DEXI: variants seen among roughly 807,000 people sequenced by gnomAD.
DEXI encodes Dexi homolog.
A neutral mutation model predicts 2.5 loss-of-function variants in DEXI; 2 were observed. The observed-to-expected ratio is 0.81, with a 90% confidence interval of 0.33 to 2.55. The LOEUF (loss-of-function observed/expected upper bound fraction) is 2.55, where lower values mean the gene tolerates loss of function less well. Ranked by LOEUF, DEXI falls within the 30% of genes most tolerant of loss-of-function variation. The probability of loss-of-function intolerance (pLI) is 0.11; values close to 1 mark genes in which losing one functional copy is unlikely to be tolerated. For synonymous variants in DEXI, 71 were observed against 68.7 expected (o/e 1.03, Z -0.17); for missense variants, 108 against 130.3 (o/e 0.83, Z 0.83).
chr16:10,931,757 G>C (rs1316768186), intron 1 of DEXI: 1 of 152,222 alleles, frequency 6.6e-6, no homozygotes, highest in East Asian at 1.9e-4. Flanking sequence ...TGGGCATGGT[G>C]GCAGGTGCCT....
rs980126936 is a variant in DEXI, at chr16:10,937,151, A to C, written c.*149+4418T>G. 6 of 152,386 alleles carry C rather than the reference A, an allele frequency of 3.9e-5. No individual in the cohort carries two copies. The East Asian group carries it at 1.2e-3, about 29-fold the overall frequency. 9.4% of individuals were successfully genotyped at this position (152,386 alleles called of 1,614,324 possible). On this transcript the variant is annotated intron_variant, in intron 1 of 1. Coordinates refer to ENST00000331808, the MANE Select transcript of DEXI (RefSeq NM_014015.4). The surrounding 1 kb of genome is among the most constrained non-coding windows in gnomAD (Gnocchi z 4.2). Reference sequence around the variant, plus strand: ...GACGCAGCTGGCACCAATGTACCCTATGGCCAAGGACCTTCTGGGTGAGCC... The same window carrying C: ...GACGCAGCTGGCACCAATGTACCCTCTGGCCAAGGACCTTCTGGGTGAGCC...
Position 10,929,283 on chromosome 16 carries a change from G to C in DEXI, c.*426C>G. ...TTGAAGTGTCCTCTCCGAAGGTGAAGTGGGGGAAGCAGGTGCGCTCCGGGA... is the reference window on the plus strand; with the variant it reads ...TTGAAGTGTCCTCTCCGAAGGTGAACTGGGGGAAGCAGGTGCGCTCCGGGA... On this transcript the variant is annotated 3_prime_UTR_variant, in exon 2 of 2. Coordinates refer to ENST00000331808, the MANE Select transcript of DEXI (RefSeq NM_014015.4). The surrounding 1 kb of genome is among the most constrained non-coding windows in gnomAD (Gnocchi z 4.3). 1 of 985,962 alleles carries C rather than the reference G, an allele frequency of 1.0e-6. No homozygotes were observed. Among genetic ancestry groups the C allele is most frequent in the Non-Finnish European group, 1.2e-6 (1 of 829,984 alleles). The allele number at this position is 985,962 out of a possible 1,614,324, so 61.1% of individuals were successfully genotyped here.
Position 10,938,077 on chromosome 16 carries a change from C to T in DEXI, c.*149+3492G>A, listed in dbSNP as rs1439594276. The T allele has an allele frequency of 1.3e-5, 2 of 152,168 alleles. No individual in the cohort carries two copies. Among genetic ancestry groups the T allele is most frequent in the Middle Eastern group, 3.2e-3 (1 of 316 alleles). The allele number at this position is 152,168 out of a possible 1,614,324, so 9.4% of individuals were successfully genotyped here. On this transcript the variant is annotated intron_variant, in intron 1 of 1. Coordinates refer to ENST00000331808, the MANE Select transcript of DEXI (RefSeq NM_014015.4). The surrounding 1 kb of genome is among the most constrained non-coding windows in gnomAD (Gnocchi z 4.9). ...GGTATAACACGCTTTCCATTGTATC[C>T]GACTATGAATATGAGTGGTTAATAT...
intron 1 of DEXI, chr16:10,935,392 A>G (rs901105584): frequency 6.6e-6 from 1 of 152,252 alleles, no homozygotes; most frequent in African/African-American, 2.4e-5. Flanking sequence ...CAAAGAATAC[A>G]GGCCAAGGCC....
chr16:10,938,933 G>C lies in DEXI; in HGVS notation c.*149+2636C>G, dbSNP rs1020626896. 1 of 152,218 alleles carries C rather than the reference G, an allele frequency of 6.6e-6. No individual in the cohort carries two copies. The highest frequency in any genetic ancestry group is 2.4e-5 in the African/African-American group (1 of 41,454). 9.4% of individuals were successfully genotyped at this position (152,218 alleles called of 1,614,324 possible). On this transcript the variant is annotated intron_variant, in intron 1 of 1. Transcript: ENST00000331808. The surrounding 1 kb of genome is among the most constrained non-coding windows in gnomAD (Gnocchi z 4.9). ...ATTTGGAAGGGGAAGTGTTTCTGTT[G>C]ATGTGGTAAAGAGATAAAATAAGAC...
chr16:10,936,579 T>C (rs1232645304), intron 1 of DEXI: 1 of 152,226 alleles, frequency 6.6e-6, no homozygotes, highest in Non-Finnish European at 1.5e-5. Context: ...TTTCTGTAAG[T>C]GTGAAATTAC....
Position 10,939,718 on chromosome 16 carries a change from C to G in DEXI, c.*149+1851G>C, listed in dbSNP as rs184504252. 6.6e-6 allele frequency: 1 copy of G among 152,188 alleles called. No individual in the cohort carries two copies. The highest frequency in any genetic ancestry group is 1.5e-5 in the Non-Finnish European group (1 of 68,042). 9.4% of individuals were successfully genotyped at this position (152,188 alleles called of 1,614,324 possible). A position where few individuals can be genotyped will look rare whatever the true frequency, so the allele number is the denominator to read the frequency against. On this transcript the variant is annotated intron_variant, in intron 1 of 1. Transcript: ENST00000331808. The surrounding 1 kb of genome is among the most constrained non-coding windows in gnomAD (Gnocchi z 4.9). ...ACTCCATGTCTACACCTACAGAGAC[C>G]GTCTACTAGAGGCCAGGCACAGTTT... is the stretch of plus-strand genomic sequence containing the variant.
chr16:10,929,349 C>T lies in DEXI; in HGVS notation c.*360G>A. 1 of 985,914 alleles carries T rather than the reference C, an allele frequency of 1.0e-6. No homozygotes were observed. The highest frequency in any genetic ancestry group is 1.2e-6 in the Non-Finnish European group (1 of 829,968). 61.1% of individuals were successfully genotyped at this position (985,914 alleles called of 1,614,324 possible). On this transcript the variant is annotated 3_prime_UTR_variant, in exon 2 of 2. Coordinates refer to ENST00000331808, the MANE Select transcript of DEXI (RefSeq NM_014015.4). This position sits in a 1 kb window ranked among gnomAD's most constrained non-coding sequence, Gnocchi z 4.3. Reference sequence around the variant, plus strand: ...CAAACTCTGGCTGGGTTCCTGTAAACATCCATCGCAGCTGCAAATAATCAG... The same window carrying T: ...CAAACTCTGGCTGGGTTCCTGTAAATATCCATCGCAGCTGCAAATAATCAG...
chr16:10,932,273 G>A (rs1000555184), intron 1 of DEXI: 2 of 152,172 alleles, frequency 1.3e-5, no homozygotes, highest in Non-Finnish European at 2.9e-5. Flanking sequence ...AATGAAAATC[G>A]TGACAACACT....
At position 10,942,021 on chromosome 16, in the gene DEXI, G is replaced by A; in HGVS notation, c.-16C>T. 7.1e-7 allele frequency: 1 copy of A among 1,405,016 alleles called. No individual in the cohort carries two copies. The highest frequency in any genetic ancestry group is 9.3e-7 in the Non-Finnish European group (1 of 1,080,468). The allele number at this position is 1,405,016 out of a possible 1,614,324, so 87.0% of individuals were successfully genotyped here. A position where few individuals can be genotyped will look rare whatever the true frequency, so the allele number is the denominator to read the frequency against. ...CGCCGAGCATGCAGCGGGTGGCAAG[G>A]GCGGCGGCCCGGCGATCCCGGCGAA... On this transcript the variant is annotated 5_prime_UTR_variant, in exon 1 of 2. Coordinates refer to ENST00000331808, the MANE Select transcript of DEXI (RefSeq NM_014015.4). The surrounding 1 kb of genome is among the most constrained non-coding windows in gnomAD (Gnocchi z 5.0).
rs2041107251 is a variant in DEXI, at chr16:10,941,871, G to A, written c.135C>T (p.Phe45=). 1 of 1,612,288 alleles carries A rather than the reference G, an allele frequency of 6.2e-7. No homozygotes were observed. The highest frequency in any genetic ancestry group is 8.5e-7 in the Non-Finnish European group (1 of 1,179,774). The change falls in exon 1 of 2, where the codon TTC becomes TTT. Residue 45 remains phenylalanine (F), a synonymous_variant. Coordinates refer to ENST00000331808, the MANE Select transcript of DEXI (RefSeq NM_014015.4). This position sits in a 1 kb window ranked among gnomAD's most constrained non-coding sequence, Gnocchi z 6.4. ...FVNVLILYYA[F]LMEYIVLNVG... is the part of the protein sequence containing the mutation. ...CGTTGAGGACGATGTACTCCATGAG[G>A]AAGGCGTAGTACAGGATCAGCACAT...
chr16:10,942,246 C>T lies in DEXI; in HGVS notation c.-241G>A, dbSNP rs2041112139. 2 of 364,242 alleles carry T rather than the reference C, an allele frequency of 5.5e-6. No individual in the cohort carries two copies. The highest frequency in any genetic ancestry group is 9.9e-6 in the Non-Finnish European group (2 of 203,044). The allele number at this position is 364,242 out of a possible 1,614,324, so 22.6% of individuals were successfully genotyped here. On this transcript the variant is annotated 5_prime_UTR_variant, in exon 1 of 2. Transcript: ENST00000331808. The surrounding 1 kb of genome is among the most constrained non-coding windows in gnomAD (Gnocchi z 5.0). ...TCGACCGCCCGGGCGGCGAGGCGGG[C>T]CCCCCTGAAGTGGCCCGCGGCTGCC...
rs997931119 is a variant in DEXI at position 10,942,287 on chromosome 16, G to T, written c.-282C>A. 3.1e-6 allele frequency: 1 copy of T among 318,956 alleles called. No individual in the cohort carries two copies. Among genetic ancestry groups the T allele is most frequent in the Non-Finnish European group, 5.8e-6 (1 of 173,190 alleles). The allele number at this position is 318,956 out of a possible 1,614,324, so 19.8% of individuals were successfully genotyped here. ...CGCGGCTGCCCGGCTCCCTCGTGGC[G>T]CCTCCCTGGCGCTCGCAGGGCCTCG... On this transcript the variant is annotated 5_prime_UTR_variant, in exon 1 of 2. Transcript: ENST00000331808. This position sits in a 1 kb window ranked among gnomAD's most constrained non-coding sequence, Gnocchi z 5.0.
Position 10,939,348 on chromosome 16 carries a change from T to C in DEXI, c.*149+2221A>G, listed in dbSNP as rs79333627. ...AATTGCCAGAGTCATTTTTGCAAAATGGGAATGGGATTGTGTCATCTCCTG... is the reference window on the plus strand; with the variant it reads ...AATTGCCAGAGTCATTTTTGCAAAACGGGAATGGGATTGTGTCATCTCCTG... On this transcript the variant is annotated intron_variant, in intron 1 of 1. Coordinates refer to ENST00000331808, the MANE Select transcript of DEXI (RefSeq NM_014015.4). This position sits in a 1 kb window ranked among gnomAD's most constrained non-coding sequence, Gnocchi z 4.9. 2 of 152,326 alleles carry C rather than the reference T, an allele frequency of 1.3e-5. No homozygotes were observed. The highest frequency in any genetic ancestry group is 4.8e-5 in the African/African-American group (2 of 41,544). 9.4% of individuals were successfully genotyped at this position (152,326 alleles called of 1,614,324 possible). A position where few individuals can be genotyped will look rare whatever the true frequency, so the allele number is the denominator to read the frequency against.
Position 10,929,748 on chromosome 16 carries a change from A to C in DEXI, c.*150-189T>G, listed in dbSNP as rs1348130144. On this transcript the variant is annotated intron_variant, in intron 1 of 1. Transcript: ENST00000331808. The surrounding 1 kb of genome is among the most constrained non-coding windows in gnomAD (Gnocchi z 4.3). ...AGGCTGAAAATGTCTTTCTGCAAATATAAAACTCTTTTTAATGAATTTGCC... is the reference window on the plus strand; with the variant it reads ...AGGCTGAAAATGTCTTTCTGCAAATCTAAAACTCTTTTTAATGAATTTGCC... 5.8e-6 allele frequency: 1 copy of C among 172,392 alleles called. No individual in the cohort carries two copies. The highest frequency in any genetic ancestry group is 1.9e-4 in the East Asian group (1 of 5,264). 10.7% of individuals were successfully genotyped at this position (172,392 alleles called of 1,614,324 possible). A position where few individuals can be genotyped will look rare whatever the true frequency, so the allele number is the denominator to read the frequency against.
In DEXI at chr16:10,941,520, C is replaced by G. The variant is rs542663127; in HGVS notation, c.*149+49G>C. On this transcript the variant is annotated intron_variant, in intron 1 of 1. Transcript: ENST00000331808. The surrounding 1 kb of genome is among the most constrained non-coding windows in gnomAD (Gnocchi z 6.4). Reference sequence around the variant, plus strand: ...CCGGCCTGGGAATTCCTCCCTCTCCCTTGCTAGCGCCCCAACCCGCCCTCA... The same window carrying G: ...CCGGCCTGGGAATTCCTCCCTCTCCGTTGCTAGCGCCCCAACCCGCCCTCA... 1 of 1,397,188 alleles carries G rather than the reference C, an allele frequency of 7.2e-7. No homozygotes were observed. Among genetic ancestry groups the G allele is most frequent in the South Asian group, 1.7e-5 (1 of 60,040 alleles). The allele number at this position is 1,397,188 out of a possible 1,614,324, so 86.5% of individuals were successfully genotyped here.
rs1175500799 is a variant in DEXI at position 10,939,752 on chromosome 16, G to A, written c.*149+1817C>T. The A allele has an allele frequency of 6.6e-6, 1 of 152,242 alleles. No homozygotes were observed. The highest frequency in any genetic ancestry group is 2.4e-5 in the African/African-American group (1 of 41,452). The allele number at this position is 152,242 out of a possible 1,614,324, so 9.4% of individuals were successfully genotyped here. On this transcript the variant is annotated intron_variant, in intron 1 of 1. Coordinates refer to ENST00000331808, the MANE Select transcript of DEXI (RefSeq NM_014015.4). This position sits in a 1 kb window ranked among gnomAD's most constrained non-coding sequence, Gnocchi z 4.9. ...GAGGCCAGGCACAGTTTTAAGTGTT[G>A]AGGACATGGCAGTGAACACAACAGG...
rs1484702372 is a variant in DEXI, at chr16:10,929,330, C to T, written c.*379G>A. The T allele has an allele frequency of 2.0e-6, 2 of 985,816 alleles. No homozygotes were observed. The highest frequency in any genetic ancestry group is 2.4e-6 in the Non-Finnish European group (2 of 829,984). 61.1% of individuals were successfully genotyped at this position (985,816 alleles called of 1,614,324 possible). A position where few individuals can be genotyped will look rare whatever the true frequency, so the allele number is the denominator to read the frequency against. ...GGGATGAAGTGCAGGGAGGCAAACT[C>T]TGGCTGGGTTCCTGTAAACATCCAT... is the stretch of plus-strand genomic sequence containing the variant. On this transcript the variant is annotated 3_prime_UTR_variant, in exon 2 of 2. Coordinates refer to ENST00000331808, the MANE Select transcript of DEXI (RefSeq NM_014015.4). This position sits in a 1 kb window ranked among gnomAD's most constrained non-coding sequence, Gnocchi z 4.3.
At chr16:10,933,666 C>G (rs2145373478) in intron 1 of DEXI, 1 of 152,402 alleles carries the variant, frequency 6.6e-6, no homozygotes, top group Admixed American at 6.5e-5. Context: ...CCACCTGTTC[C>G]CAGGTAGAAA....
Sources: allele counts gnomAD v4.1 joint callset, GRCh38; gene constraint gnomAD v4.1.1; non-coding constraint Gnocchi (gnomAD v3.1); transcripts MANE v1.5; gene names NCBI Gene and HGNC (gene_info 2026-07-23, HGNC 2026-07-21).